The following ACACB variants were observed in gnomAD, a reference collection of about 807,000 sequenced individuals.
The protein encoded by ACACB is acetyl-CoA carboxylase beta, also known as acetyl-CoA carboxylase 2.
ACACB carries 209 observed loss-of-function variants against 278.8 expected under a neutral mutation model. The observed-to-expected ratio is 0.75, with a 90% CI of 0.67 to 0.84. The LOEUF (loss-of-function observed/expected upper bound fraction) is 0.84. Among genes scored for constraint, ACACB ranks in the 40% least tolerant of loss-of-function variants. The pLI is 0.00. For synonymous variants in ACACB, 1,174 were observed against 1,285.6 expected, an observed-to-expected ratio of 0.91 and a Z score of 1.86; for missense variants, 2,850 against 3,269.0, an observed-to-expected ratio of 0.87 and a Z score of 3.13.
chr12:109,265,369 A>T lies in ACACB; in HGVS notation c.7114-20A>T, dbSNP rs1593748497. On this transcript the variant is annotated intron_variant, in intron 51 of 52. Transcript: ENST00000338432. ...CCACAGCTGGGTCCCTCTCTGAGGC[A>T]TCCTCTGCCCCCTCCCCAGGCCTAC... 1 of 1,613,070 alleles carries T rather than the reference A, an allele frequency of 6.2e-7. No individual in the cohort carries two copies. The highest frequency in any genetic ancestry group is 8.5e-7 in the Non-Finnish European group (1 of 1,179,462).
rs769110318 is a variant in ACACB at position 109,227,377 on chromosome 12, G to C, written c.3889G>C (p.Val1297Leu). 3 of 1,611,252 alleles carry C rather than the reference G, an allele frequency of 1.9e-6. No individual in the cohort carries two copies. The highest frequency in any genetic ancestry group is 2.2e-5 in the East Asian group (1 of 44,828). The change falls in exon 28 of 53, where the codon GTG becomes CTG. Residue 1297 changes from valine (V) to leucine (L), a missense_variant. This residue lies in a region of ACACB where 2,265 missense variants were observed against 2,561.3 expected (regional missense o/e 0.88). Coordinates refer to ENST00000338432, the MANE Select transcript of ACACB (RefSeq NM_001093.4). Reference sequence around the variant, plus strand: ...TGTGTTTCTGCCTTGTCAGGTTTACGTGCGGAGGGGCTACATCGCCTATGA... The same window carrying C: ...TGTGTTTCTGCCTTGTCAGGTTTACCTGCGGAGGGGCTACATCGCCTATGA... Reference protein sequence around the residue: ...VVCMASLEVYVRRGYIAYELN... With the variant: ...VVCMASLEVYLRRGYIAYELN...
intron 40 of ACACB, among the ~76,000 whole-genome samples, 177 bp downstream of exon 40, chr12:109,247,880 C>T (rs972758193): frequency 2.0e-5 from 3 of 152,224 alleles, no homozygotes; most frequent in Non-Finnish European, 4.4e-5. Flanking sequence ...AAGGTGAGTC[C>T]ATCCTTGTCA....
In ACACB at chr12:109,210,426, TATATACACGC is replaced by T. The variant is rs1565928462; in HGVS notation, c.3249+1075_3249+1084del. Among the ~76,000 whole-genome samples the T allele has an allele frequency of 5.0e-5, 7 of 139,452 alleles. 1 individual carries two copies. The highest frequency in any genetic ancestry group is 1.9e-4 in the African/African-American group (7 of 37,678). 91.5% of individuals were successfully genotyped at this position (139,452 alleles called of 152,430 possible). On this transcript the variant is annotated intron_variant, in intron 21 of 52. Coordinates refer to ENST00000338432, the MANE Select transcript of ACACB (RefSeq NM_001093.4). ...ACACGCACACACATGTGTATATATG[TATATACACGC>T]ACATACATGTGTATATATGTATATA... is the stretch of plus-strand genomic sequence containing the variant.
intron 33 of ACACB, among the ~76,000 whole-genome samples, chr12:109,236,744 A>AT (rs58888610): frequency 0.022 from 3,308 of 148,456 alleles, 102 homozygotes; most frequent in African/African-American, 0.077. Context: ...TAATGTCTTC[A>AT]TTTTTTTTTT....
At chr12:109,241,868 G>A (rs1352344134) in intron 36 of ACACB, 1 of 156,978 alleles carries the variant, frequency 6.4e-6, no homozygotes, top group Non-Finnish European at 1.4e-5. Context: ...CCTAGACTGG[G>A]CCTGAACTCC....
chr12:109,222,681 C>T (rs2046206786), intron 25 of ACACB, 61 bp downstream of exon 25: 2 of 1,536,478 alleles, frequency 1.3e-6, no homozygotes, highest in Non-Finnish European at 1.8e-6. Context: ...TATGTGTCCC[C>T]TACCGTGCTC....
intron 35 of ACACB, among the ~76,000 whole-genome samples, chr12:109,240,579 T>C (rs1180708563): frequency 6.7e-6 from 1 of 148,192 alleles, no homozygotes; most frequent in African/African-American, 2.4e-5. Flanking sequence ...TATTAAAATA[T>C]ATAAATGTAT....
chr12:109,216,920 C>A lies in ACACB; in HGVS notation c.3564C>A (p.Ile1188=). The A allele has an allele frequency of 1.2e-6, 2 of 1,612,882 alleles. No individual in the cohort carries two copies. The highest frequency in any genetic ancestry group is 1.1e-5 in the South Asian group (1 of 90,960). The change falls in exon 24 of 53, where the codon ATC becomes ATA. Residue 1188 remains isoleucine (I), a splice_region_variant and synonymous_variant. Coordinates refer to ENST00000338432, the MANE Select transcript of ACACB (RefSeq NM_001093.4). The part of the protein sequence containing the change: ...AKKNQLVIML[I]DELCGPDPSL... ...AGAACCAGCTGGTGATCATGTTGAT[C>A]GTAAGCAGGAAGAGGGCCTGTTACT...
chr12:109,168,848 A>G (rs11065723), intron 4 of ACACB, among the ~76,000 whole-genome samples: 11,812 of 150,090 alleles, frequency 0.079, 542 homozygotes, highest in African/African-American at 0.11. Context: ...ACCTAAAAGC[A>G]TAACTCAGGT....
chr12:109,140,195 G>A, intron 2 of ACACB, 137 bp downstream of exon 2: 1 of 734,876 alleles, frequency 1.4e-6, no homozygotes, highest in Middle Eastern at 3.3e-4. Context: ...AAAAGGAGAA[G>A]ACACGAGCCT....
rs375366307 is a variant in ACACB, at chr12:109,180,076, G to A, written c.1807G>A (p.Ala603Thr). The A allele has an allele frequency of 4.2e-5, 67 of 1,610,810 alleles. 1 individual carries two copies. The highest frequency in any genetic ancestry group is 3.5e-4 in the African/African-American group (26 of 74,974). ...EMIADVNLPA[A>T]QLQIAMGVPL... ...GATTGCTGATGTTAATCTGCCGGCC[G>A]CCCAGCTACAGGTGAGAAAATGGGC... Residue 603 changes from alanine (A) to threonine (T), a missense_variant, in exon 11 of 53, where the codon GCC (alanine) becomes ACC (threonine). Around this residue, in one of 3 missense-constraint regions of ACACB, gnomAD observed 2,265 missense variants for 2,561.3 expected, o/e 0.88. Transcript: ENST00000338432.
At chr12:109,117,047 C>CT (rs71747045) in intron 1 of ACACB, among the ~76,000 whole-genome samples, 27,938 of 109,026 alleles carry the variant, frequency 0.26, 3,657 homozygotes, top group East Asian at 0.34. Context: ...AATGGTTGTT[C>CT]TTTTTTTTTT....
chr12:109,148,975 A>G (rs2043307302), intron 2 of ACACB, among the ~76,000 whole-genome samples: 1 of 152,186 alleles, frequency 6.6e-6, no homozygotes, highest in African/African-American at 2.4e-5. Context: ...ATGTATAATA[A>G]TAAAACAGTA....
intron 2 of ACACB, among the ~76,000 whole-genome samples, chr12:109,155,405 C>G (rs537648092): frequency 1.3e-5 from 2 of 152,260 alleles, no homozygotes; most frequent in South Asian, 4.1e-4. Context: ...GTAGCTCTAC[C>G]TACTTGGTTT....
At chr12:109,242,673 C>G in intron 37 of ACACB, 81 bp downstream of exon 37, 6 of 1,515,454 alleles carry the variant, frequency 4.0e-6, no homozygotes, top group Non-Finnish European at 5.4e-6. Context: ...CCTTAATTCT[C>G]CTTCTAAAGA....
Position 109,246,303 on chromosome 12 carries a change from TG to T in ACACB, c.5427del (p.Tyr1810ThrfsTer55). The T allele has an allele frequency of 6.2e-7, 1 of 1,612,406 alleles. No individual in the cohort carries two copies. The highest frequency in any genetic ancestry group is 8.5e-7 in the Non-Finnish European group (1 of 1,179,650). On this transcript the variant is annotated frameshift_variant, in exon 39 of 53. Coordinates refer to ENST00000338432, the MANE Select transcript of ACACB (RefSeq NM_001093.4). LOFTEE classifies it high-confidence loss of function. ...TCCTTTGGCCCTGGAGAGGACCTTC[TG>T]TACCTGCGGGCATCCGAGATGGCCC... ...IGSFGPGEDL[L>X]YLRASEMARA...
At chr12:109,157,973 C>T (rs2043596286) in intron 2 of ACACB, among the ~76,000 whole-genome samples, 1 of 152,144 alleles carries the variant, frequency 6.6e-6, no homozygotes, top group Non-Finnish European at 1.5e-5. Context: ...TGGCTGTAGA[C>T]CTATCAGGGG....
intron 10 of ACACB, 42 bp downstream of exon 10, chr12:109,179,339 G>C (rs903018410): frequency 6.3e-7 from 1 of 1,583,010 alleles, no homozygotes; most frequent in Admixed American, 1.8e-5. Context: ...AGAGAGAGCC[G>C]TCTCAGCTCA....
chr12:109,165,659 A>T (rs1417647192), intron 2 of ACACB, among the ~76,000 whole-genome samples: 2 of 152,272 alleles, frequency 1.3e-5, no homozygotes, highest in Non-Finnish European at 2.9e-5. Context: ...TAATGATCAC[A>T]AACTTCATAT....
Sources: allele counts gnomAD v4.1 joint callset (sites outside exome capture counted in the v4.1 genomes callset), GRCh38; gene constraint gnomAD v4.1.1; regional missense constraint gnomAD v4.1.1; transcripts MANE v1.5; gene names NCBI Gene and HGNC (gene_info 2026-07-23, HGNC 2026-07-21).